The following HDGFL3 variants were observed in gnomAD, a reference collection of about 807,000 sequenced individuals.
HDGFL3 encodes the protein hepatoma-derived growth factor-related protein 3.
In HDGFL3, 6 loss-of-function variants were observed where a neutral mutation model predicts 27.6. The observed-to-expected ratio is 0.22, with a 90% CI of 0.12 to 0.43. The LOEUF (loss-of-function observed/expected upper bound fraction) is 0.43. Among genes scored for constraint, HDGFL3 ranks in the 20% least tolerant of loss-of-function variants. The pLI, the probability that HDGFL3 is intolerant of heterozygous loss-of-function variation, is 1.00. For synonymous variants in HDGFL3, 88 were observed against 88.9 expected, an observed-to-expected ratio of 0.99 and a Z score of 0.05; for missense variants, 207 against 250.1, an observed-to-expected ratio of 0.83 and a Z score of 1.16.
Position 83,136,687 on chromosome 15 carries a change from G to T in HDGFL3, c.*2583C>A. On this transcript the variant is annotated 3_prime_UTR_variant, in exon 6 of 6. Transcript: ENST00000299633. The stretch of plus-strand genomic sequence containing the variant: ...AAGTGGAATAAAAATATTACTTCAT[G>T]TTCCTCCTTTCTAAATTACTAACTT... The T allele has an allele frequency of 6.3e-7, 1 of 1,580,622 alleles. No homozygotes were observed. Among genetic ancestry groups the T allele is most frequent in the Non-Finnish European group, 8.6e-7 (1 of 1,166,896 alleles).
chr15:83,160,648 G>A (rs564160143), intron 2 of HDGFL3, among the ~76,000 whole-genome samples: 2 of 152,132 alleles, frequency 1.3e-5, no homozygotes, highest in African/African-American at 4.8e-5. Context: ...GCTGGAGAGA[G>A]GACTCTGGAG....
downstream of HDGFL3, among the ~76,000 whole-genome samples, chr15:83,123,795 C>T (rs2035481629): frequency 6.6e-6 from 1 of 152,212 alleles, no homozygotes; most frequent in African/African-American, 2.4e-5. Context: ...AGTGTGTCAA[C>T]AGAGTAGGTA....
At chr15:83,143,701 C>T (rs758038983) in intron 5 of HDGFL3, among the ~76,000 whole-genome samples, 8 of 152,082 alleles carry the variant, frequency 5.3e-5, no homozygotes, top group Non-Finnish European at 8.8e-5. Flanking sequence ...CATTGTATGA[C>T]GGAATAAGGA....
At chr15:83,197,936 G>A (rs545172727) in intron 1 of HDGFL3, among the ~76,000 whole-genome samples, 3 of 150,330 alleles carry the variant, frequency 2.0e-5, no homozygotes, top group African/African-American at 7.3e-5. Flanking sequence ...TTGGGAGGCT[G>A]AGGCAGGAGA....
intron 2 of HDGFL3, among the ~76,000 whole-genome samples, chr15:83,160,580 C>CA (rs1253874209): frequency 6.6e-6 from 1 of 151,896 alleles, no homozygotes; most frequent in Non-Finnish European, 1.5e-5. Context: ...GCAAAAAACT[C>CA]AGTTTTGAAT....
Position 83,136,475 on chromosome 15 carries a change from C to G in HDGFL3, c.*2795G>C, listed in dbSNP as rs2036619875. 2 of 1,566,408 alleles carry G rather than the reference C, an allele frequency of 1.3e-6. No homozygotes were observed. Among genetic ancestry groups the G allele is most frequent in the South Asian group, 2.4e-5 (2 of 82,772 alleles). ...TTACTCAATTTTTTTTTTTTAAATG[C>G]AACAGGCTCAGTTTTCTCACATTGG... On this transcript the variant is annotated 3_prime_UTR_variant, in exon 6 of 6. Coordinates refer to ENST00000299633, the MANE Select transcript of HDGFL3 (RefSeq NM_016073.4).
At chr15:83,171,048 T>C (rs941486110) in intron 1 of HDGFL3, among the ~76,000 whole-genome samples, 42 of 152,128 alleles carry the variant, frequency 2.8e-4, no homozygotes, top group African/African-American at 9.9e-4. Flanking sequence ...TCATAATGGC[T>C]ACTATTTTCT....
chr15:83,197,207 G>C (rs531408130), intron 1 of HDGFL3, among the ~76,000 whole-genome samples: 1 of 152,314 alleles, frequency 6.6e-6, no homozygotes, highest in East Asian at 1.9e-4. Flanking sequence ...CTGGAGAACA[G>C]CCAGAGTTCT....
exon 4 of HDGFL3, chr15:83,115,733 C>T: frequency 3.8e-6 from 3 of 784,010 alleles, no homozygotes; most frequent in Non-Finnish European, 6.7e-6. Context: ...TAATTGTCCA[C>T]AGCATCTTCT....
intron 1 of HDGFL3, among the ~76,000 whole-genome samples, chr15:83,164,358 T>A (rs2037137507): frequency 5.2e-5 from 1 of 19,326 alleles, no homozygotes; most frequent in Non-Finnish European, 1.1e-4. Flanking sequence ...AGTGAAAAAT[T>A]AGAGTAACCA....
At chr15:83,161,334 AT>A (rs1408593245) in intron 2 of HDGFL3, among the ~76,000 whole-genome samples, 1 of 151,966 alleles carries the variant, frequency 6.6e-6, no homozygotes, top group Non-Finnish European at 1.5e-5. Context: ...GGCTAATGTT[AT>A]TTTTTTGTAG....
At chr15:83,160,780 G>A (rs2037092095) in intron 2 of HDGFL3, among the ~76,000 whole-genome samples, 1 of 152,134 alleles carries the variant, frequency 6.6e-6, no homozygotes, top group Non-Finnish European at 1.5e-5. Context: ...TCCATTTTCT[G>A]CCTGGGTCTC....
downstream of HDGFL3, among the ~76,000 whole-genome samples, chr15:83,126,331 T>G (rs548579318): frequency 6.6e-6 from 1 of 152,282 alleles, no homozygotes; most frequent in East Asian, 1.9e-4. Flanking sequence ...TACGCTATGA[T>G]GCACTGGAGA....
downstream of HDGFL3, chr15:83,126,705 A>G (rs2035780382): frequency 6.7e-7 from 1 of 1,492,202 alleles, no homozygotes. Flanking sequence ...CAGCAAACCT[A>G]AGAACCAGAT....
chr15:83,179,441 C>G (rs956892260), intron 1 of HDGFL3, among the ~76,000 whole-genome samples: 10 of 152,176 alleles, frequency 6.6e-5, no homozygotes, highest in African/African-American at 2.4e-4. Context: ...CAAGGAAATT[C>G]CACATGGCTC....
chr15:83,139,279 T>TAA lies in HDGFL3; in HGVS notation c.607-6_607-5dup, dbSNP rs746488383. 1.4e-3 allele frequency: 1,722 copies of TAA among 1,218,950 alleles called. No individual in the cohort carries two copies. Among genetic ancestry groups the TAA allele is most frequent in the South Asian group, 3.0e-3 (172 of 56,564 alleles). 75.5% of individuals were successfully genotyped at this position (1,218,950 alleles called of 1,614,324 possible). A position where few individuals can be genotyped will look rare whatever the true frequency, so the allele number is the denominator to read the frequency against. On this transcript the variant is annotated splice_polypyrimidine_tract_variant and splice_region_variant and intron_variant, in intron 5 of 5. Coordinates refer to ENST00000299633, the MANE Select transcript of HDGFL3 (RefSeq NM_016073.4). The stretch of plus-strand genomic sequence containing the variant: ...GCATTCATTATGGTAGTTAGGTCTG[T>TAA]AAAAAAAAAAAAAAGAAAGAAAACA...
At chr15:83,193,517 C>A (rs78751159) in intron 1 of HDGFL3, among the ~76,000 whole-genome samples, 2 of 152,126 alleles carry the variant, frequency 1.3e-5, no homozygotes, top group Admixed American at 6.5e-5. Context: ...GAAAACAGTA[C>A]GGTGTTTCCT....
chr15:83,207,552 A>G lies in HDGFL3; in HGVS notation c.-138T>C. 1.7e-6 allele frequency: 1 copy of G among 572,462 alleles called. No individual in the cohort carries two copies. The highest frequency in any genetic ancestry group is 3.8e-5 in the East Asian group (1 of 26,600). The allele number at this position is 572,462 out of a possible 1,614,324, so 35.5% of individuals were successfully genotyped here. A position where few individuals can be genotyped will look rare whatever the true frequency, so the allele number is the denominator to read the frequency against. On this transcript the variant is annotated 5_prime_UTR_variant, in exon 1 of 6. Coordinates refer to ENST00000299633, the MANE Select transcript of HDGFL3 (RefSeq NM_016073.4). The surrounding 1 kb of genome is among the most constrained non-coding windows in gnomAD (Gnocchi z 4.8). ...ACGAGCGGCCGCTCCGACGAGGGGA[A>G]GCGGCGAGGCGGCGGCTGAGGCAAG... is the stretch of plus-strand genomic sequence containing the variant.
rs2036654077 is a variant in HDGFL3, at chr15:83,136,956, TA to T, written c.*2313del. The T allele has an allele frequency of 4.5e-6, 1 of 223,296 alleles. No individual in the cohort carries two copies. The highest frequency in any genetic ancestry group is 8.8e-6 in the Non-Finnish European group (1 of 113,472). The allele number at this position is 223,296 out of a possible 1,614,324, so 13.8% of individuals were successfully genotyped here. On this transcript the variant is annotated 3_prime_UTR_variant, in exon 6 of 6. Coordinates refer to ENST00000299633, the MANE Select transcript of HDGFL3 (RefSeq NM_016073.4). ...TTGACATATAAAATAATTATAAGTG[TA>T]AAAAATTACAATTTAGTGCCAACAG...
Sources: allele counts gnomAD v4.1 joint callset (sites outside exome capture counted in the v4.1 genomes callset), GRCh38; gene constraint gnomAD v4.1.1; non-coding constraint Gnocchi (gnomAD v3.1); transcripts MANE v1.5; gene names NCBI Gene and HGNC (gene_info 2026-07-23, HGNC 2026-07-21).